The following CNOT1 variants were observed in gnomAD, a reference collection of about 807,000 sequenced individuals.
CNOT1 encodes the protein CCR4-associated factor 1.
Under a neutral mutation model 273.8 loss-of-function variants are expected in CNOT1, and 15 were observed. The ratio of observed to expected loss-of-function variants is 0.05; its 90% confidence interval spans 0.04 to 0.08. The LOEUF (loss-of-function observed/expected upper bound fraction) is 0.08. CNOT1 is among the 10% of genes least tolerant of loss of function. The pLI is 1.00. For missense variants in CNOT1, 1,644 were observed against 2,912.2 expected, an observed-to-expected ratio of 0.56 and a Z score of 10.02; for synonymous variants, 1,022 against 1,005.5, an observed-to-expected ratio of 1.02 and a Z score of -0.31.
chr16:58,557,495 GC>G (rs1426643288), intron 18 of CNOT1, among the ~76,000 whole-genome samples: 12 of 152,276 alleles, frequency 7.9e-5, no homozygotes, highest in African/African-American at 2.6e-4. Context: ...AAAGCTAGAA[GC>G]ATACAGTAGC....
intron 4 of CNOT1, 29 bp from the exon 5 acceptor site, chr16:58,587,442 T>C (rs928118699): frequency 1.2e-6 from 2 of 1,610,382 alleles, no homozygotes; most frequent in African/African-American, 2.7e-5. Flanking sequence ...TAGTTTAAAA[T>C]AAGAACTTAC....
intron 39 of CNOT1, among the ~76,000 whole-genome samples, chr16:58,535,023 C>T (rs2039882866): frequency 6.6e-6 from 1 of 152,130 alleles, no homozygotes; most frequent in South Asian, 2.1e-4. Flanking sequence ...AAATTAGAAA[C>T]TATATGACAT....
At position 58,556,911 on chromosome 16, in the gene CNOT1, T is replaced by C; in HGVS notation, c.2415A>G (p.Val805=). Residue 805 remains valine (V), a synonymous_variant, in exon 19 of 49, where the codon GTA becomes GTG. Transcript: ENST00000317147. ...GLPAVNNDPF[V]QRKLGTSGLN... ...GTCCAGAGGTGCCCAGTTTCCTCTG[T>C]ACAAAAGGGTCGTTATTCACTGCAG... 1 of 1,614,114 alleles carries C rather than the reference T, an allele frequency of 6.2e-7. No individual in the cohort carries two copies. The highest frequency in any genetic ancestry group is 8.5e-7 in the Non-Finnish European group (1 of 1,180,010).
chr16:58,574,728 TA>T lies in CNOT1; in HGVS notation c.1859del (p.Leu620Ter). The T allele has an allele frequency of 6.2e-7, 1 of 1,605,308 alleles. No homozygotes were observed. The highest frequency in any genetic ancestry group is 1.8e-5 in the Admixed American group (1 of 56,016). The part of the protein sequence containing the change: ...EPFIQACMTF[L>X]KRRCPSILGG... ...CCAAAATAGAAGGACACCGTCTCTT[TA>T]AAAAAGTCATACACGCCTGGATAAA... On this transcript the variant is annotated frameshift_variant, in exon 16 of 49. Coordinates refer to ENST00000317147, the MANE Select transcript of CNOT1 (RefSeq NM_016284.5). LOFTEE classifies it high-confidence loss of function.
chr16:58,557,494 A>C (rs1046932593), intron 18 of CNOT1, among the ~76,000 whole-genome samples: 3 of 152,226 alleles, frequency 2.0e-5, no homozygotes, highest in Non-Finnish European at 2.9e-5. Flanking sequence ...CAAAGCTAGA[A>C]GCATACAGTA....
rs1455650078 is a variant in CNOT1, at chr16:58,534,238, T to C, written c.5804A>G (p.Asn1935Ser). 4.3e-6 allele frequency: 7 copies of C among 1,614,142 alleles called. No homozygotes were observed. Among genetic ancestry groups the C allele is most frequent in the Non-Finnish European group, 5.9e-6 (7 of 1,180,022 alleles). Residue 1935 changes from asparagine to serine, a missense_variant, in exon 40 of 49, where the codon AAC becomes AGC. Physicochemically the swap from Asn to Ser is conservative, Grantham distance 46. Around this residue, in one of 13 missense-constraint regions of CNOT1, gnomAD observed 133 missense variants for 328.2 expected, o/e 0.41. Coordinates refer to ENST00000317147, the MANE Select transcript of CNOT1 (RefSeq NM_016284.5). ...PTMIRAKCYH[N>S]LDAFVRLIAL... ...AATGAGTCGAACAAAGGCATCCAGG[T>C]TGTGATAGCACTTGGCTCGGATCAT...
intron 43 of CNOT1, among the ~76,000 whole-genome samples, chr16:58,529,362 A>G (rs1390158549): frequency 6.6e-6 from 1 of 152,198 alleles, no homozygotes; most frequent in Non-Finnish European, 1.5e-5. Flanking sequence ...TAAGGGAGTA[A>G]AAGGGCAAGC....
At chr16:58,568,759 G>A (rs2041156140) in intron 16 of CNOT1, among the ~76,000 whole-genome samples, 2 of 152,048 alleles carry the variant, frequency 1.3e-5, no homozygotes, top group African/African-American at 4.8e-5. Flanking sequence ...GCTTAGTGCT[G>A]AATTGATTCC....
At chr16:58,609,015 TAC>T (rs2152029080) in intron 1 of CNOT1, among the ~76,000 whole-genome samples, 1 of 152,268 alleles carries the variant, frequency 6.6e-6, no homozygotes, top group African/African-American at 2.4e-5. Context: ...AATAAAAGAC[TAC>T]AAAGTGGGTA....
At chr16:58,624,217 GA>G (rs1195075186) in intron 1 of CNOT1, among the ~76,000 whole-genome samples, 1 of 152,198 alleles carries the variant, frequency 6.6e-6, no homozygotes, top group Non-Finnish European at 1.5e-5. Context: ...CACCGTGTCA[GA>G]ATAATACTGA....
intron 46 of CNOT1, among the ~76,000 whole-genome samples, chr16:58,524,706 GA>G (rs1450260972): frequency 6.6e-6 from 1 of 152,064 alleles, no homozygotes; most frequent in African/African-American, 2.4e-5. Flanking sequence ...AGGACCAAAT[GA>G]AATGTAGCTC....
intron 14 of CNOT1, among the ~76,000 whole-genome samples, chr16:58,575,513 T>A (rs1425601036): frequency 6.6e-6 from 1 of 151,994 alleles, no homozygotes; most frequent in African/African-American, 2.4e-5. Flanking sequence ...TAATATAGAG[T>A]CTAGGCTGTA....
chr16:58,551,770 C>G lies in CNOT1; in HGVS notation c.3020G>C (p.Gly1007Ala). The change falls in exon 23 of 49, where the codon GGC (glycine) becomes GCC (alanine). Residue 1007 changes from glycine (G) to alanine (A), a missense_variant. Transcript: ENST00000317147. ...QSRDPPVKMQGSITTPGSIAL... is the reference protein window; with the variant it reads ...QSRDPPVKMQASITTPGSIAL... The stretch of plus-strand genomic sequence containing the variant: ...AATACTTCCAGGGGTTGTGATAGAG[C>G]CTTGCATTTTCACAGGAGGATCTCT... 6.2e-7 allele frequency: 1 copy of G among 1,614,152 alleles called. No homozygotes were observed. Among genetic ancestry groups the G allele is most frequent in the Non-Finnish European group, 8.5e-7 (1 of 1,180,028 alleles).
At chr16:58,551,547 TAATCATA>T (rs951818100) in intron 23 of CNOT1, 35 bp downstream of exon 23, 31 of 1,579,688 alleles carry the variant, frequency 2.0e-5, no homozygotes, top group Non-Finnish European at 2.6e-5. Context: ...TATTACAATA[TAATCATA>T]AATCCTGGAA....
chr16:58,522,891 G>A (rs894548529), intron 47 of CNOT1: 1 of 152,454 alleles, frequency 6.6e-6, no homozygotes, highest in African/African-American at 2.4e-5. Flanking sequence ...AAGAGGGCAG[G>A]AACCATCCAT....
In CNOT1 at chr16:58,551,658, T is replaced by C; in HGVS notation, c.3132A>G (p.Thr1044=). 2 of 1,614,192 alleles carry C rather than the reference T, an allele frequency of 1.2e-6. No individual in the cohort carries two copies. The highest frequency in any genetic ancestry group is 8.5e-7 in the Non-Finnish European group (1 of 1,180,044). Residue 1044 remains threonine, a synonymous_variant, in exon 23 of 49, where the codon ACA becomes ACG. Transcript: ENST00000317147. The part of the protein sequence containing the change: ...GQVSTMVTTS[T]TTTVAKTVTV... The stretch of plus-strand genomic sequence containing the variant: ...TAACCGTTTTAGCAACAGTGGTAGT[T>C]GTTGAGGTGGTTACCATAGTGCTAA...
intron 44 of CNOT1, 31 bp downstream of exon 44, chr16:58,528,444 T>G (rs758841492): frequency 1.6e-5 from 25 of 1,527,166 alleles, no homozygotes; most frequent in Non-Finnish European, 1.9e-5. Flanking sequence ...TATTAAGACA[T>G]AAGTTTTCCT....
intron 1 of CNOT1, among the ~76,000 whole-genome samples, chr16:58,622,335 G>A (rs1365815540): frequency 1.3e-4 from 1 of 7,452 alleles, no homozygotes; most frequent in Non-Finnish European, 5.0e-4. Flanking sequence ...CACTCTAGTG[G>A]GGGGGGGGGG....
chr16:58,567,073 C>CA (rs1156348304), intron 16 of CNOT1, among the ~76,000 whole-genome samples: 1 of 151,936 alleles, frequency 6.6e-6, no homozygotes, highest in Non-Finnish European at 1.5e-5. Context: ...AAGACTAAGC[C>CA]AGGAGTTCAA....
Sources: gnomAD v4.1 joint callset for allele counts (sites outside exome capture counted in the v4.1 genomes callset) on GRCh38, gnomAD v4.1.1 for gene constraint, gnomAD v4.1.1 regional missense constraint, MANE v1.5 for transcripts, NCBI Gene and HGNC (gene_info 2026-07-23, HGNC 2026-07-21) for gene names.